Variants in DGKK observed in about 807,000 individuals in gnomAD.
The protein encoded by DGKK is diacylglycerol kinase kappa.
A neutral mutation model predicts 92.2 loss-of-function variants in DGKK; 35 were observed. That is an observed-to-expected ratio of 0.38 (90% CI 0.29 to 0.50). DGKK has a LOEUF of 0.50. Ranked by LOEUF, DGKK falls within the 20% of genes least tolerant of loss-of-function variation. The probability of loss-of-function intolerance (pLI) is 0.92; values close to 1 mark genes in which losing one functional copy is unlikely to be tolerated. For synonymous variants in DGKK, 368 were observed against 360.6 expected (o/e 1.02, Z -0.23); for missense variants, 910 against 992.2 (o/e 0.92, Z 1.11).
At chrX:50,382,418 G>A in intron 18 of DGKK, 78 bp downstream of exon 18, 1 of 707,182 alleles carries the variant, frequency 1.4e-6, no homozygotes, top group Non-Finnish European at 2.1e-6. Context: ...GCTTGTCTGA[G>A]AGGTAGAGAA....
chrX:50,424,894 G>A (rs1557229544), intron 1 of DGKK, among the ~76,000 whole-genome samples: 1 of 111,650 alleles, frequency 9.0e-6, no homozygotes, highest in African/African-American at 3.3e-5. Flanking sequence ...GCGGACTCAT[G>A]ATCTCATGAA....
intron 27 of DGKK, 91 bp from the exon 28 acceptor site, chrX:50,369,110 G>A: frequency 3.0e-6 from 2 of 660,711 alleles, no homozygotes; most frequent in Non-Finnish European, 4.6e-6. Context: ...CAAAAAGTCT[G>A]TTAGAAGATA....
rs1557222790 is a variant in DGKK at position 50,368,974 on chromosome X, T to G, written c.3782A>C (p.Asp1261Ala). 1 of 1,209,655 alleles carries G rather than the reference T, an allele frequency of 8.3e-7. No individual in the cohort carries two copies. The change falls in exon 28 of 28, where the codon GAT (aspartate) becomes GCT (alanine). Residue 1261 changes from aspartate to alanine, a missense_variant. By Grantham distance (126) the Asp-to-Ala change is moderately radical. Coordinates refer to ENST00000611977, the MANE Select transcript of DGKK (RefSeq NM_001013742.4). ...RRHREDEAEGDDPLTPSRSQL is the reference protein window; with the variant it reads ...RRHREDEAEGADPLTPSRSQL ...AGATCTCGATGGTGTTAGAGGATCA[T>G]CACCCTCTGCTTCATCTTCACGATG...
At position 50,470,291 on chromosome X, in the gene DGKK, C is replaced by T. The variant is rs782642540; in HGVS notation, c.388G>A (p.Ala130Thr). 2 of 1,207,480 alleles carry T rather than the reference C, an allele frequency of 1.7e-6. No homozygotes were observed. The highest frequency in any genetic ancestry group is 4.4e-5 in the Admixed American group (2 of 45,765). ...GCCGGCTCTGGGACCGACTCTAGGGCAGGTTCTGGAGTCGGCTCTGGGGCA... is the reference window on the plus strand; with the variant it reads ...GCCGGCTCTGGGACCGACTCTAGGGTAGGTTCTGGAGTCGGCTCTGGGGCA... ...ESAPEPTPEP[A>T]LESVPEPAPE... is the part of the protein sequence containing the mutation. The change falls in exon 1 of 28, where the codon GCC (alanine) becomes ACC (threonine). Residue 130 changes from alanine to threonine, a missense_variant. By Grantham distance (58) the Ala-to-Thr change is moderately conservative. Transcript: ENST00000611977.
chrX:50,421,926 G>C (rs1925599331), intron 3 of DGKK, among the ~76,000 whole-genome samples: 1 of 111,692 alleles, frequency 9.0e-6, no homozygotes, highest in Admixed American at 9.4e-5. Flanking sequence ...TTCTGGTCTG[G>C]ATTCACTTGA....
chrX:50,386,325 C>T (rs782729726), intron 15 of DGKK, 33 bp downstream of exon 15: 3 of 1,123,515 alleles, frequency 2.7e-6, no homozygotes, highest in African/African-American at 1.8e-5. Context: ...TTTCTTTCCC[C>T]TACCTCAGTC....
At chrX:50,453,993 TAA>T (rs11307283) in intron 1 of DGKK, among the ~76,000 whole-genome samples, 10 of 102,398 alleles carry the variant, frequency 9.8e-5, no homozygotes, top group Non-Finnish European at 1.2e-4. Flanking sequence ...CCTTCAGGCT[TAA>T]AAAAAAAAAG....
chrX:50,387,615 A>G lies in DGKK; in HGVS notation c.2057T>C (p.Ile686Thr). The G allele has an allele frequency of 8.3e-7, 1 of 1,208,003 alleles. No homozygotes were observed. The highest frequency in any genetic ancestry group is 1.8e-5 in the South Asian group (1 of 56,804). ...CSAVEDFVVD[I>T]VKAWGQIKQN... ...TTTTATCTGACCCCAGGCCTTTACA[A>G]TATCAACCACAAAATCTTCCACAGC... The change falls in exon 14 of 28, where the codon ATT (isoleucine) becomes ACT (threonine). Residue 686 changes from isoleucine (I) to threonine (T), a missense_variant. Physicochemically the swap from Ile to Thr is moderately conservative, Grantham distance 89. Coordinates refer to ENST00000611977, the MANE Select transcript of DGKK (RefSeq NM_001013742.4).
In DGKK at chrX:50,434,880, G is replaced by A. The variant is rs782477107; in HGVS notation, c.646-10522C>T. Among the ~76,000 whole-genome samples, 3 of 111,939 alleles carry A rather than the reference G, an allele frequency of 2.7e-5. No individual in the cohort carries two copies. The South Asian group carries it at 1.1e-3, about 42-fold the overall frequency. On this transcript the variant is annotated intron_variant, in intron 1 of 27. Coordinates refer to ENST00000611977, the MANE Select transcript of DGKK (RefSeq NM_001013742.4). Reference sequence around the variant, plus strand: ...CTTGTAAATATGCAAATACAGTTATGCCTCACTTAAAGACAGAGATATATT... The same window carrying A: ...CTTGTAAATATGCAAATACAGTTATACCTCACTTAAAGACAGAGATATATT...
chrX:50,378,696 G>A lies in DGKK; in HGVS notation c.2863-5C>T, dbSNP rs369713639. ...GATTGCAGGAGCCTCATATTCCTGAGGAGGAAGAACTGTGTCACATCTCCC... is the reference window on the plus strand; with the variant it reads ...GATTGCAGGAGCCTCATATTCCTGAAGAGGAAGAACTGTGTCACATCTCCC... On this transcript the variant is annotated splice_polypyrimidine_tract_variant and splice_region_variant and intron_variant, in intron 20 of 27. Transcript: ENST00000611977. 5 of 1,176,645 alleles carry A rather than the reference G, an allele frequency of 4.2e-6. No individual in the cohort carries two copies. The highest frequency in any genetic ancestry group is 4.6e-6 in the Non-Finnish European group (4 of 869,135).
At chrX:50,423,344 G>A (rs781834263) in intron 2 of DGKK, among the ~76,000 whole-genome samples, 5 of 111,787 alleles carry the variant, frequency 4.5e-5, no homozygotes, top group African/African-American at 1.6e-4. Flanking sequence ...CAAGATAAGT[G>A]TGTTACATCT....
chrX:50,449,332 A>G (rs782235091), intron 1 of DGKK, among the ~76,000 whole-genome samples: 1 of 111,600 alleles, frequency 9.0e-6, no homozygotes, highest in Admixed American at 9.5e-5. Context: ...CCCAAAGGTG[A>G]TGAAATATTC....
intron 1 of DGKK, among the ~76,000 whole-genome samples, chrX:50,448,018 A>G (rs909321473): frequency 1.8e-5 from 2 of 111,292 alleles, no homozygotes; most frequent in Non-Finnish European, 3.8e-5. Context: ...AGATCCTTTG[A>G]CCCTTTGTTA....
intron 1 of DGKK, among the ~76,000 whole-genome samples, chrX:50,424,923 G>T (rs782305190): frequency 2.7e-5 from 3 of 111,748 alleles, no homozygotes; most frequent in South Asian, 7.6e-4. Flanking sequence ...CACATAAAAA[G>T]GAACCACAAG....
intron 8 of DGKK, among the ~76,000 whole-genome samples, chrX:50,399,864 G>GA (rs782588800): frequency 2.9e-4 from 32 of 111,824 alleles, no homozygotes; most frequent in African/African-American, 8.8e-4. Flanking sequence ...GAGTCTCTCA[G>GA]AAAAAACAAA....
chrX:50,428,769 T>C (rs1160446659), intron 1 of DGKK, among the ~76,000 whole-genome samples: 3 of 111,236 alleles, frequency 2.7e-5, no homozygotes, highest in Non-Finnish European at 1.9e-5. Flanking sequence ...GTACCTGTAG[T>C]CCTTTTCCTT....
At chrX:50,444,696 A>G (rs1355673733) in intron 1 of DGKK, among the ~76,000 whole-genome samples, 7 of 111,905 alleles carry the variant, frequency 6.3e-5, no homozygotes, top group Non-Finnish European at 1.3e-4. Context: ...TCTGTCATTG[A>G]TGGGCATTTA....
At chrX:50,441,110 T>C (rs1287025579) in intron 1 of DGKK, among the ~76,000 whole-genome samples, 2 of 111,385 alleles carry the variant, frequency 1.8e-5, no homozygotes, top group African/African-American at 6.5e-5. Flanking sequence ...CATGATTCAC[T>C]GAACTATTTT....
intron 4 of DGKK, among the ~76,000 whole-genome samples, chrX:50,418,654 T>C (rs1015606130): frequency 1.8e-5 from 2 of 111,892 alleles, no homozygotes; most frequent in Non-Finnish European, 1.9e-5. Flanking sequence ...GCTAAAAGTG[T>C]TCCTTAATAG....
Sources: allele counts gnomAD v4.1 joint callset (sites outside exome capture counted in the v4.1 genomes callset), GRCh38; gene constraint gnomAD v4.1.1; transcripts MANE v1.5; gene names NCBI Gene and HGNC (gene_info 2026-07-23, HGNC 2026-07-21).